Variants in ANKUB1 observed in about 807,000 individuals in gnomAD.
ANKUB1 encodes protein ANKUB1.
A neutral mutation model predicts 49.3 loss-of-function variants in ANKUB1; 42 were observed. The observed-to-expected ratio is 0.85, with a 90% CI of 0.67 to 1.10. ANKUB1 has a LOEUF of 1.10. Ranked by LOEUF, ANKUB1 falls within the 50% of genes least tolerant of loss-of-function variation. ANKUB1 has a pLI of 0.00. For synonymous variants in ANKUB1, 222 were observed against 231.0 expected (o/e 0.96, Z 0.35); for missense variants, 613 against 642.0 (o/e 0.95, Z 0.49).
chr3:149,761,613 A>G lies in ANKUB1; in HGVS notation c.1506T>C (p.Ser502=). ...ENAIYCLAVA[S]AFKEKRWLQQ... ...GAAGCCATCGTTTCTCTTTAAAGGC[A>G]CTGCAAGAAAACAAGATATAATTTG... Residue 502 remains serine, a splice_region_variant and synonymous_variant, in exon 6 of 6, where the codon AGT becomes AGC. Coordinates refer to ENST00000446160, the MANE Select transcript of ANKUB1 (RefSeq NM_001144960.3). 1 of 1,550,540 alleles carries G rather than the reference A, an allele frequency of 6.4e-7. No homozygotes were observed. The highest frequency in any genetic ancestry group is 8.7e-7 in the Non-Finnish European group (1 of 1,146,442).
chr3:149,792,111 T>G (rs1282295731), intron 1 of ANKUB1, among the ~76,000 whole-genome samples, 166 bp downstream of exon 1: 1 of 152,194 alleles, frequency 6.6e-6, no homozygotes, highest in African/African-American at 2.4e-5. Flanking sequence ...AGTTACTATC[T>G]TCTTATAAAT....
At chr3:149,778,473 T>C (rs1378664349) in intron 3 of ANKUB1, 1 of 152,226 alleles carries the variant, frequency 6.6e-6, no homozygotes. Flanking sequence ...CACATTATAA[T>C]CTGAACAGTA....
intron 4 of ANKUB1, among the ~76,000 whole-genome samples, chr3:149,768,775 T>G (rs879496541): frequency 2.6e-5 from 4 of 152,114 alleles, no homozygotes; most frequent in Admixed American, 2.6e-4. Context: ...ACTCCTGACC[T>G]CAAGTGATCT....
At chr3:149,761,776 C>T (rs1245094349) in intron 5 of ANKUB1, among the ~76,000 whole-genome samples, 163 bp from the exon 6 acceptor site, 2 of 152,092 alleles carry the variant, frequency 1.3e-5, no homozygotes, top group Non-Finnish European at 2.9e-5. Context: ...AAACAAGTTC[C>T]CTGTGATGCA....
At chr3:149,784,082 G>A (rs1717980728) in intron 2 of ANKUB1, among the ~76,000 whole-genome samples, 1 of 152,146 alleles carries the variant, frequency 6.6e-6, no homozygotes, top group East Asian at 1.9e-4. Context: ...ATTTAGACTT[G>A]TCAAGATAGT....
In ANKUB1 at chr3:149,767,321, G is replaced by A; in HGVS notation, c.1341C>T (p.Pro447=). 6.4e-7 allele frequency: 1 copy of A among 1,551,430 alleles called. No homozygotes were observed. Among genetic ancestry groups the A allele is most frequent in the Non-Finnish European group, 8.7e-7 (1 of 1,146,946 alleles). ...TTGAAACTGGAGGGAGGGGGACTTG[G>A]GGAAGATATGTGTTTTTTATGAGCT... ...KEKLIKNTYL[P]QVPLPPVSRV... The change falls in exon 5 of 6, where the codon CCC becomes CCT. Residue 447 remains proline (P), a synonymous_variant. Coordinates refer to ENST00000446160, the MANE Select transcript of ANKUB1 (RefSeq NM_001144960.3).
intron 5 of ANKUB1, among the ~76,000 whole-genome samples, 155 bp from the exon 6 acceptor site, chr3:149,761,768 A>G (rs758504631): frequency 1.6e-4 from 24 of 152,216 alleles, no homozygotes; most frequent in Admixed American, 3.9e-4. Flanking sequence ...TCTTTCTAAA[A>G]CAAGTTCCCT....
At chr3:149,770,454 G>A in intron 4 of ANKUB1, 106 bp downstream of exon 4, 1 of 788,722 alleles carries the variant, frequency 1.3e-6, no homozygotes. Flanking sequence ...CTGGCATAGA[G>A]CAGCACCCCA....
chr3:149,768,700 C>G (rs1246751895), intron 4 of ANKUB1, among the ~76,000 whole-genome samples: 1 of 152,128 alleles, frequency 6.6e-6, no homozygotes, highest in Non-Finnish European at 1.5e-5. Flanking sequence ...AGCCACCACA[C>G]CTGGCTAATT....
At chr3:149,767,129 G>A (rs746871184) in intron 5 of ANKUB1, 28 bp downstream of exon 5, 16 of 1,475,210 alleles carry the variant, frequency 1.1e-5, no homozygotes, top group African/African-American at 1.4e-5. Flanking sequence ...AAGCTTTGCT[G>A]TTTGTATGTT....
intron 5 of ANKUB1, chr3:149,763,935 A>G (rs1576665579): frequency 6.6e-6 from 3 of 456,160 alleles, no homozygotes; most frequent in African/African-American, 6.0e-5. Context: ...ATGTGGTCCA[A>G]CAAGTACTTT....
chr3:149,783,850 C>T (rs1314500146), intron 2 of ANKUB1: 2 of 152,174 alleles, frequency 1.3e-5, no homozygotes, highest in African/African-American at 2.4e-5. Flanking sequence ...AATTGGAACA[C>T]CTTTCTTCAC....
chr3:149,780,291 C>G lies in ANKUB1; in HGVS notation c.399G>C (p.Arg133Ser). Residue 133 changes from arginine to serine, a missense_variant, in exon 3 of 6, where the codon AGG becomes AGC. Coordinates refer to ENST00000446160, the MANE Select transcript of ANKUB1 (RefSeq NM_001144960.3). ...TGTTGCAATCATACATCTCCAGGCC[C>G]CTTGGGGTTCGGAGACAGTAGACAC... ...PVSVYCLRTP[R>S]GLEMYDCNTL... 1 of 1,551,658 alleles carries G rather than the reference C, an allele frequency of 6.4e-7. No homozygotes were observed. The highest frequency in any genetic ancestry group is 8.7e-7 in the Non-Finnish European group (1 of 1,146,994).
chr3:149,772,024 CTT>C (rs398062912), intron 3 of ANKUB1, among the ~76,000 whole-genome samples: 74 of 133,158 alleles, frequency 5.6e-4, no homozygotes, highest in East Asian at 6.7e-4. Context: ...TCCATCCTTC[CTT>C]TTTTTTTTTT....
chr3:149,787,680 C>T (rs1005626828), intron 2 of ANKUB1, among the ~76,000 whole-genome samples: 1 of 151,988 alleles, frequency 6.6e-6, no homozygotes. Flanking sequence ...ATTTCTTTTC[C>T]AAATGTGTCT....
At chr3:149,764,059 A>T (rs1160562685) in intron 5 of ANKUB1, 1 of 455,852 alleles carries the variant, frequency 2.2e-6, no homozygotes, top group African/African-American at 2.0e-5. Context: ...GAAGGATTAC[A>T]TTAGGTTCTT....
At chr3:149,773,064 T>C (rs375319631) in intron 3 of ANKUB1, among the ~76,000 whole-genome samples, 3 of 152,198 alleles carry the variant, frequency 2.0e-5, no homozygotes, top group African/African-American at 7.2e-5. Flanking sequence ...AGCTGGGAAT[T>C]TCCAGAATTC....
In ANKUB1 at chr3:149,770,013, C is replaced by T. The variant is rs1215840142; in HGVS notation, c.566+547G>A. ...CAAACCCCTTCTCCTCTTTCTCCCC[C>T]TCAGCCTTATTCAACCTGAAGATTG... On this transcript the variant is annotated intron_variant, in intron 4 of 5. Transcript: ENST00000446160. Among the ~76,000 whole-genome samples the T allele has an allele frequency of 2.1e-4, 32 of 151,972 alleles. 1 individual carries two copies. The highest frequency in any genetic ancestry group is 2.0e-3 in the Admixed American group (31 of 15,242).
intron 3 of ANKUB1, among the ~76,000 whole-genome samples, chr3:149,773,974 C>T (rs1717473084): frequency 6.6e-6 from 1 of 152,096 alleles, no homozygotes; most frequent in Non-Finnish European, 1.5e-5. Context: ...GCCTGAGCAA[C>T]ACAGCGAGAC....
Sources: gnomAD v4.1 joint callset for allele counts (sites outside exome capture counted in the v4.1 genomes callset) on GRCh38, gnomAD v4.1.1 for gene constraint, MANE v1.5 for transcripts, NCBI Gene and HGNC (gene_info 2026-07-23, HGNC 2026-07-21) for gene names.